AGBL4: variants seen among roughly 807,000 people sequenced by gnomAD.
AGBL4 encodes the protein cytosolic carboxypeptidase 6.
A neutral mutation model predicts 66.4 loss-of-function variants in AGBL4; 58 were observed. The observed-to-expected ratio is 0.87, with a 90% CI of 0.71 to 1.09. AGBL4 has a LOEUF of 1.09. Ranked by LOEUF, AGBL4 falls within the 50% of genes least tolerant of loss-of-function variation. The pLI, the probability that AGBL4 is intolerant of heterozygous loss-of-function variation, is 0.00. For synonymous variants in AGBL4, 234 were observed against 222.9 expected (o/e 1.05, Z -0.44); for missense variants, 579 against 631.0 (o/e 0.92, Z 0.88).
At chr1:48,874,268 C>G (rs1292699695) in intron 5 of AGBL4, among the ~76,000 whole-genome samples, 1 of 152,118 alleles carries the variant, frequency 6.6e-6, no homozygotes, top group Admixed American at 6.6e-5. Flanking sequence ...CATTCCCTCC[C>G]CCAGCCATAG....
chr1:48,912,834 G>A (rs1653259326), intron 5 of AGBL4, among the ~76,000 whole-genome samples: 1 of 152,152 alleles, frequency 6.6e-6, no homozygotes, highest in Non-Finnish European at 1.5e-5. Context: ...AGCCTGACCA[G>A]CCTATGAAAG....
chr1:48,647,741 T>G (rs1318058964), intron 8 of AGBL4: 3 of 333,238 alleles, frequency 9.0e-6, no homozygotes, highest in Non-Finnish European at 1.8e-5. Context: ...GCGTGGGGGC[T>G]TTCTTCTCTG....
chr1:49,042,030 A>T (rs1442223801), intron 5 of AGBL4, among the ~76,000 whole-genome samples: 1 of 152,090 alleles, frequency 6.6e-6, no homozygotes, highest in Non-Finnish European at 1.5e-5. Flanking sequence ...TTAACTTCTT[A>T]AAAAACTCAT....
intron 2 of AGBL4, among the ~76,000 whole-genome samples, chr1:49,835,249 G>A (rs1419310052): frequency 6.6e-6 from 1 of 152,112 alleles, no homozygotes; most frequent in Non-Finnish European, 1.5e-5. Context: ...ATGAATCTGG[G>A]TGCTCCTATA....
chr1:49,946,945 A>C (rs943147062), intron 1 of AGBL4, among the ~76,000 whole-genome samples: 3 of 152,034 alleles, frequency 2.0e-5, no homozygotes, highest in African/African-American at 7.2e-5. Flanking sequence ...CACAGAAACT[A>C]GAAAACCTAG....
intron 5 of AGBL4, among the ~76,000 whole-genome samples, chr1:49,005,326 T>A (rs1661701766): frequency 6.6e-6 from 1 of 152,206 alleles, no homozygotes. Flanking sequence ...AAATAAAAAA[T>A]TCCAGAAATA....
rs763870900 is a variant in AGBL4 at position 48,878,080 on chromosome 1, A to G, written c.595-10850T>C. Among the ~76,000 whole-genome samples the G allele has an allele frequency of 8.8e-4, 134 of 152,338 alleles. 1 individual carries two copies. The highest frequency in any genetic ancestry group is 5.6e-4 in the Non-Finnish European group (38 of 68,030). ...ACAATACAAAATTTTCTTTTTAAAG[A>G]TAAAACATTAAAGGATGAAAGCTTC... On this transcript the variant is annotated intron_variant, in intron 5 of 13. Transcript: ENST00000371839.
chr1:49,734,321 AAG>A (rs1345012903), intron 2 of AGBL4, among the ~76,000 whole-genome samples: 1 of 151,502 alleles, frequency 6.6e-6, no homozygotes, highest in Admixed American at 6.6e-5. Flanking sequence ...GAGAGAGAGA[AAG>A]GGGGAAATGT....
intron 5 of AGBL4, among the ~76,000 whole-genome samples, chr1:48,993,715 C>T (rs1660785161): frequency 6.6e-6 from 1 of 152,128 alleles, no homozygotes; most frequent in Non-Finnish European, 1.5e-5. Flanking sequence ...GCTGGTCTGG[C>T]CTAAATGCTC....
At chr1:49,798,495 C>T (rs1470229645) in intron 2 of AGBL4, among the ~76,000 whole-genome samples, 1 of 152,078 alleles carries the variant, frequency 6.6e-6, no homozygotes, top group Non-Finnish European at 1.5e-5. Flanking sequence ...AAATCTTCAG[C>T]TTATGAGTTT....
chr1:48,722,650 G>A (rs1647170587), intron 6 of AGBL4, among the ~76,000 whole-genome samples: 1 of 152,212 alleles, frequency 6.6e-6, no homozygotes, highest in Non-Finnish European at 1.5e-5. Flanking sequence ...GCCAAAAAGA[G>A]AGAATAGAGG....
chr1:48,981,413 C>G (rs3121512), intron 5 of AGBL4, among the ~76,000 whole-genome samples: 80,878 of 151,898 alleles, frequency 0.53, 21,847 homozygotes, highest in Non-Finnish European at 0.58. Context: ...CCTCATTTCT[C>G]CAATTTATCC....
intron 9 of AGBL4, among the ~76,000 whole-genome samples, chr1:48,605,514 C>T (rs1482220669): frequency 6.6e-6 from 1 of 152,194 alleles, no homozygotes; most frequent in East Asian, 1.9e-4. Flanking sequence ...ACGCCATGTC[C>T]TTCTTCACGT....
chr1:48,542,690 T>C (rs1305229181), intron 11 of AGBL4, among the ~76,000 whole-genome samples: 1 of 152,180 alleles, frequency 6.6e-6, no homozygotes, highest in Non-Finnish European at 1.5e-5. Context: ...GATGGGGTTG[T>C]TTTTTTCTTG....
At chr1:48,706,261 A>G (rs1305351693) in intron 6 of AGBL4, among the ~76,000 whole-genome samples, 1 of 152,194 alleles carries the variant, frequency 6.6e-6, no homozygotes, top group Non-Finnish European at 1.5e-5. Context: ...GCCAAAAGGA[A>G]ACTTAAGTAA....
intron 2 of AGBL4, chr1:49,844,632 C>G: frequency 6.6e-7 from 1 of 1,505,962 alleles, no homozygotes; most frequent in Non-Finnish European, 8.9e-7. Flanking sequence ...CATCTCACCA[C>G]AAACTCTTTT....
intron 3 of AGBL4, among the ~76,000 whole-genome samples, chr1:49,671,550 C>G (rs987400617): frequency 2.6e-5 from 4 of 152,080 alleles, no homozygotes; most frequent in African/African-American, 7.2e-5. Flanking sequence ...AACAGACAAC[C>G]TACAGAATGG....
chr1:49,115,896 T>C (rs1171148140), intron 4 of AGBL4, among the ~76,000 whole-genome samples: 1 of 152,038 alleles, frequency 6.6e-6, no homozygotes, highest in African/African-American at 2.4e-5. Context: ...GGGAGAAGAA[T>C]ACCAAGATGA....
chr1:48,804,363 C>A (rs924497626), intron 6 of AGBL4, among the ~76,000 whole-genome samples: 1 of 152,222 alleles, frequency 6.6e-6, no homozygotes, highest in Non-Finnish European at 1.5e-5. Context: ...AAGGTCCCTG[C>A]ATACCTCCCA....
Sources: allele counts gnomAD v4.1 joint callset (sites outside exome capture counted in the v4.1 genomes callset), GRCh38; gene constraint gnomAD v4.1.1; transcripts MANE v1.5; gene names NCBI Gene and HGNC (gene_info 2026-07-23, HGNC 2026-07-21).